Variants in DSCAML1 observed in about 807,000 individuals in gnomAD.
The protein encoded by DSCAML1 is cell adhesion molecule DSCAML1.
In DSCAML1, 38 loss-of-function variants were observed where a neutral mutation model predicts 200.5. That is an observed-to-expected ratio of 0.19 (90% CI 0.15 to 0.25). The LOEUF is 0.25. Ranked by LOEUF, DSCAML1 falls within the 10% of genes least tolerant of loss-of-function variation. DSCAML1 has a pLI of 1.00. For missense variants in DSCAML1, 2,223 were observed against 2,858.8 expected (o/e 0.78, Z 5.07); for synonymous variants, 1,215 against 1,165.0 (o/e 1.04, Z -0.87).
chr11:117,443,924 T>A lies in DSCAML1; in HGVS notation c.3824A>T (p.Asn1275Ile), dbSNP rs2048122232. ...VAAVTSAGRGNSSEKVTIEPA... is the reference protein window; with the variant it reads ...VAAVTSAGRGISSEKVTIEPA... ...CTCGATGGTCACCTTCTCGCTGCTGTTGCCCCGGCCGGCAGAGGTGACGGC... is the reference window on the plus strand; with the variant it reads ...CTCGATGGTCACCTTCTCGCTGCTGATGCCCCGGCCGGCAGAGGTGACGGC... Residue 1275 changes from asparagine to isoleucine, a missense_variant, in exon 21 of 33, where the codon AAC becomes ATC. Physicochemically the swap from Asn to Ile is moderately radical, Grantham distance 149. Coordinates refer to ENST00000651296, the MANE Select transcript of DSCAML1 (RefSeq NM_020693.4). The A allele has an allele frequency of 6.2e-7, 1 of 1,612,508 alleles. No individual in the cohort carries two copies. Among genetic ancestry groups the A allele is most frequent in the African/African-American group, 1.3e-5 (1 of 74,930 alleles).
At chr11:117,448,941 T>G (rs2048232238) in intron 20 of DSCAML1, among the ~76,000 whole-genome samples, 2 of 152,182 alleles carry the variant, frequency 1.3e-5, no homozygotes, top group African/African-American at 4.8e-5. Context: ...AGTTCCAAAC[T>G]GAAAACTGCC....
chr11:117,650,188 T>C (rs2052601293), intron 3 of DSCAML1, among the ~76,000 whole-genome samples: 1 of 152,200 alleles, frequency 6.6e-6, no homozygotes, highest in Non-Finnish European at 1.5e-5. Context: ...AGTCTGGATC[T>C]CCAGGGTGCG....
chr11:117,469,942 C>T lies in DSCAML1; in HGVS notation c.2992G>A (p.Val998Met), dbSNP rs759034155. 32 of 1,608,744 alleles carry T rather than the reference C, an allele frequency of 2.0e-5. No homozygotes were observed. The highest frequency in any genetic ancestry group is 2.7e-5 in the Non-Finnish European group (32 of 1,176,612). Residue 998 changes from valine to methionine, a missense_variant, in exon 16 of 33, where the codon GTG becomes ATG. Coordinates refer to ENST00000651296, the MANE Select transcript of DSCAML1 (RefSeq NM_020693.4). This position sits in a 1 kb window ranked among gnomAD's most constrained non-coding sequence, Gnocchi z 4.1. ...GTCACCTGGATGCTCTGTGAGGTCA[C>T]TGGCTGCAAGGTAACATCCATGGGG... ...GPPMDVTLQP[V>M]TSQSIQVTWK...
intron 27 of DSCAML1, among the ~76,000 whole-genome samples, 175 bp from the exon 28 acceptor site, chr11:117,433,646 G>A (rs554380268): frequency 2.6e-5 from 4 of 152,260 alleles, no homozygotes; most frequent in South Asian, 4.2e-4. Context: ...AACATGACGC[G>A]GTTTCACTGC....
At chr11:117,474,042 G>A (rs924158103) in intron 14 of DSCAML1, among the ~76,000 whole-genome samples, 18 of 152,250 alleles carry the variant, frequency 1.2e-4, no homozygotes, top group African/African-American at 3.1e-4. Flanking sequence ...ATGAGTGCAC[G>A]CAGAGGGAGG....
chr11:117,712,634 G>A (rs1212020397), intron 3 of DSCAML1, among the ~76,000 whole-genome samples: 4 of 152,148 alleles, frequency 2.6e-5, no homozygotes, highest in East Asian at 1.9e-4. Context: ...TAAAGCACGC[G>A]CACGCCGACA....
At chr11:117,555,434 G>A (rs558210301) in intron 3 of DSCAML1, among the ~76,000 whole-genome samples, 1 of 152,314 alleles carries the variant, frequency 6.6e-6, no homozygotes, top group Admixed American at 6.5e-5. Flanking sequence ...AGGAGCTCAA[G>A]GTGCGCAGGG....
chr11:117,480,687 G>A lies in DSCAML1; in HGVS notation c.2657-116C>T. The A allele has an allele frequency of 8.2e-7, 1 of 1,218,138 alleles. No homozygotes were observed. 75.5% of individuals were successfully genotyped at this position (1,218,138 alleles called of 1,614,324 possible). Reference sequence around the variant, plus strand: ...CTAGCCAAGGACTCTGGCACCCTAGGGTTTGAGCAGGGTGGGGGCTGGAGG... The same window carrying A: ...CTAGCCAAGGACTCTGGCACCCTAGAGTTTGAGCAGGGTGGGGGCTGGAGG... On this transcript the variant is annotated intron_variant, in intron 13 of 32. Transcript: ENST00000651296. The surrounding 1 kb of genome is among the most constrained non-coding windows in gnomAD (Gnocchi z 4.1).
intron 3 of DSCAML1, among the ~76,000 whole-genome samples, chr11:117,535,648 G>A (rs553320758): frequency 1.2e-4 from 18 of 152,276 alleles, no homozygotes; most frequent in Admixed American, 5.2e-4. Flanking sequence ...AGTCAAACGC[G>A]GAAGCTCTCT....
chr11:117,753,630 T>C (rs73585252), intron 3 of DSCAML1, among the ~76,000 whole-genome samples: 7,447 of 152,244 alleles, frequency 0.049, 626 homozygotes, highest in African/African-American at 0.17. Context: ...CTTTTGTTGA[T>C]TGTCAAGTGT....
chr11:117,521,021 A>T, intron 6 of DSCAML1, 109 bp downstream of exon 6: 1 of 1,438,038 alleles, frequency 7.0e-7, no homozygotes, highest in East Asian at 2.3e-5. Flanking sequence ...CCTGGTGTGT[A>T]GTGAGCGCTG....
intron 3 of DSCAML1, among the ~76,000 whole-genome samples, chr11:117,543,096 A>G (rs2050302109): frequency 2.0e-5 from 3 of 152,222 alleles, no homozygotes; most frequent in Admixed American, 2.0e-4. Context: ...CAGTTTTGGA[A>G]GACATTACAG....
intron 3 of DSCAML1, among the ~76,000 whole-genome samples, chr11:117,617,366 G>A (rs192634577): frequency 3.9e-5 from 6 of 152,222 alleles, no homozygotes; most frequent in African/African-American, 1.4e-4. Context: ...ACCCAGCCCC[G>A]CTCAGTATGC....
At chr11:117,572,026 C>A (rs181602782) in intron 3 of DSCAML1, among the ~76,000 whole-genome samples, 1 of 152,330 alleles carries the variant, frequency 6.6e-6, no homozygotes, top group Non-Finnish European at 1.5e-5. Flanking sequence ...GAATAATCCA[C>A]CCCTTGTTTA....
At chr11:117,442,019 TGTGA>T (rs1306376126) in intron 21 of DSCAML1, among the ~76,000 whole-genome samples, 21 of 108,610 alleles carry the variant, frequency 1.9e-4, no homozygotes, top group African/African-American at 9.6e-4. Context: ...TGCATCTGCA[TGTGA>T]GTGTGTGTAT....
Position 117,780,290 on chromosome 11 carries a change from A to AAGAAAGAAAGACAGAC in DSCAML1, c.364+202_364+203insGTCTGTCTTTCTTTCT, listed in dbSNP as rs1555032771. On this transcript the variant is annotated intron_variant, in intron 2 of 32. Coordinates refer to ENST00000651296, the MANE Select transcript of DSCAML1 (RefSeq NM_020693.4). The surrounding 1 kb of genome is among the most constrained non-coding windows in gnomAD (Gnocchi z 4.8). ...AAAGAAAGAAAGAAAGAAAGAAAGA[A>AAGAAAGAAAGACAGAC]AGAAAGAAAGAAAGAGAGAAAGGAG... is the stretch of plus-strand genomic sequence containing the variant. 1.0e-4 allele frequency among the ~76,000 whole-genome samples: 10 copies of AAGAAAGAAAGACAGAC among 100,128 alleles called. No homozygotes were observed. The highest frequency in any genetic ancestry group is 2.7e-4 in the East Asian group (1 of 3,704). 65.7% of individuals were successfully genotyped at this position (100,128 alleles called of 152,430 possible).
At chr11:117,499,695 C>T (rs373312407) in intron 11 of DSCAML1, among the ~76,000 whole-genome samples, 2 of 152,186 alleles carry the variant, frequency 1.3e-5, no homozygotes, top group South Asian at 2.1e-4. Context: ...ATGCAGGCGG[C>T]GATGCTGGAC....
Position 117,791,732 on chromosome 11 carries a change from G to T in DSCAML1, c.46+5302C>A, listed in dbSNP as rs182298326. On this transcript the variant is annotated intron_variant, in intron 1 of 32. Coordinates refer to ENST00000651296, the MANE Select transcript of DSCAML1 (RefSeq NM_020693.4). ...ACTCTGTCTTTCTTATTGTTATAAA[G>T]TCTAAGCCAACTGGCTTGGCCAAAA... Among the ~76,000 whole-genome samples, 137 of 152,340 alleles carry T rather than the reference G, an allele frequency of 9.0e-4. 1 individual carries two copies. Among genetic ancestry groups the T allele is most frequent in the Non-Finnish European group, 3.4e-4 (23 of 68,036 alleles).
intron 16 of DSCAML1, 52 bp from the exon 17 acceptor site, chr11:117,465,234 G>A: frequency 6.3e-6 from 10 of 1,595,736 alleles, no homozygotes; most frequent in Non-Finnish European, 8.6e-6. Flanking sequence ...ACGCTGAGAT[G>A]ATGCTCTTAA....
Sources: allele counts gnomAD v4.1 joint callset (sites outside exome capture counted in the v4.1 genomes callset), GRCh38; gene constraint gnomAD v4.1.1; non-coding constraint Gnocchi (gnomAD v3.1); transcripts MANE v1.5; gene names NCBI Gene and HGNC (gene_info 2026-07-23, HGNC 2026-07-21).